The following XPNPEP3 variants were observed in gnomAD, a reference collection of about 807,000 sequenced individuals.
The protein encoded by XPNPEP3 is X-prolyl aminopeptidase 3.
A neutral mutation model predicts 60.0 loss-of-function variants in XPNPEP3; 41 were observed. The observed-to-expected ratio is 0.68, with a 90% CI of 0.53 to 0.89. The LOEUF (loss-of-function observed/expected upper bound fraction) is 0.89. XPNPEP3 is among the 40% of genes least tolerant of loss of function. The pLI is 0.00. For missense variants in XPNPEP3, 598 were observed against 638.9 expected (o/e 0.94, Z 0.69); for synonymous variants, 212 against 223.2 (o/e 0.95, Z 0.45).
intron 9 of XPNPEP3, 68 bp from the exon 10 acceptor site, chr22:40,926,201 A>G: frequency 6.4e-7 from 1 of 1,566,292 alleles, no homozygotes; most frequent in Non-Finnish European, 8.8e-7. Context: ...CCAGAGGTTA[A>G]CTTACTTGCC....
chr22:40,888,323 A>AGTCT (rs1486024953), intron 4 of XPNPEP3: 1 of 346,130 alleles, frequency 2.9e-6, no homozygotes. Context: ...AGCTCACTGC[A>AGTCT]GTCTCGACCT....
rs2146252163 is a variant in XPNPEP3 at position 40,884,195 on chromosome 22, C to T, written c.589+2018C>T. On this transcript the variant is annotated intron_variant, in intron 3 of 9. Coordinates refer to ENST00000357137, the MANE Select transcript of XPNPEP3 (RefSeq NM_022098.4). ...CTTCAAAATCCACATAAATGTGGGG[C>T]ATAGAATCATTTTCTTTCTAGCTTT... Among the ~76,000 whole-genome samples the T allele has an allele frequency of 1.3e-5, 2 of 152,236 alleles. 1 individual carries two copies. Among genetic ancestry groups the T allele is most frequent in the South Asian group, 4.1e-4 (2 of 4,828 alleles).
intron 3 of XPNPEP3, among the ~76,000 whole-genome samples, chr22:40,884,577 A>ACC (rs372919573): frequency 1.4e-5 from 2 of 147,216 alleles, no homozygotes; most frequent in African/African-American, 5.0e-5. Flanking sequence ...CAGGTGATCC[A>ACC]CCCCCCTCAG....
chr22:40,899,649 T>C (rs1601509985), intron 4 of XPNPEP3, among the ~76,000 whole-genome samples: 1 of 151,798 alleles, frequency 6.6e-6, no homozygotes, highest in South Asian at 2.1e-4. Flanking sequence ...TGATACCTCA[T>C]CTCTACTAAA....
At chr22:40,919,581 T>C (rs1399071868) in intron 7 of XPNPEP3, among the ~76,000 whole-genome samples, 1 of 152,172 alleles carries the variant, frequency 6.6e-6, no homozygotes, top group African/African-American at 2.4e-5. Flanking sequence ...CCCAGGCTGG[T>C]CTGCAACTCC....
At chr22:40,895,949 G>T (rs1328540044) in intron 4 of XPNPEP3, among the ~76,000 whole-genome samples, 2 of 152,154 alleles carry the variant, frequency 1.3e-5, no homozygotes, top group Non-Finnish European at 2.9e-5. Context: ...TCCCTGCCAG[G>T]AGTTGGGATT....
chr22:40,906,657 C>CCATCTA (rs2058156727), intron 4 of XPNPEP3, among the ~76,000 whole-genome samples: 1 of 152,144 alleles, frequency 6.6e-6, no homozygotes, highest in African/African-American at 2.4e-5. Flanking sequence ...GGCTGGGAAA[C>CCATCTA]GTTGCTATAG....
At chr22:40,892,281 T>C (rs1315938876) in intron 4 of XPNPEP3, among the ~76,000 whole-genome samples, 1 of 151,966 alleles carries the variant, frequency 6.6e-6, no homozygotes, top group Non-Finnish European at 1.5e-5. Flanking sequence ...GCCTCCCAGG[T>C]TCAAGGGATT....
intron 4 of XPNPEP3, among the ~76,000 whole-genome samples, chr22:40,901,395 C>T (rs1196698540): frequency 1.3e-5 from 2 of 151,906 alleles, no homozygotes; most frequent in Admixed American, 6.6e-5. Context: ...CCACCACGCC[C>T]GGCTAATTTT....
chr22:40,904,805 C>T (rs935147264), intron 4 of XPNPEP3, among the ~76,000 whole-genome samples: 9 of 152,076 alleles, frequency 5.9e-5, no homozygotes, highest in African/African-American at 1.9e-4. Flanking sequence ...TGCCGTGGTA[C>T]CCAGGCTGGA....
chr22:40,861,940 T>C (rs746311944), intron 1 of XPNPEP3: 3 of 1,612,252 alleles, frequency 1.9e-6, no homozygotes, highest in Non-Finnish European at 2.5e-6. Context: ...GCTTTTTTAA[T>C]GTCCTCAGGT....
chr22:40,868,428 C>CGT (rs35513572), intron 1 of XPNPEP3, among the ~76,000 whole-genome samples: 16,059 of 144,660 alleles, frequency 0.11, 1,281 homozygotes, highest in African/African-American at 0.23. Context: ...TATATGTGTG[C>CGT]GTGTGTGTGT....
At chr22:40,876,282 G>A (rs961335355) in intron 2 of XPNPEP3, among the ~76,000 whole-genome samples, 3 of 152,172 alleles carry the variant, frequency 2.0e-5, no homozygotes, top group Admixed American at 6.6e-5. Flanking sequence ...CATAATAGCG[G>A]TTGTCCATGT....
intron 1 of XPNPEP3, chr22:40,862,781 A>G: frequency 2.0e-6 from 2 of 983,570 alleles, no homozygotes; most frequent in Non-Finnish European, 2.4e-6. Context: ...TATTCACTGT[A>G]TAATTATTGA....
chr22:40,906,931 G>C (rs1038629686), intron 4 of XPNPEP3, among the ~76,000 whole-genome samples: 14 of 152,272 alleles, frequency 9.2e-5, no homozygotes, highest in African/African-American at 3.4e-4. Flanking sequence ...AGAAGAGACA[G>C]AAAATCAAGA....
chr22:40,902,705 A>T (rs557309462), intron 4 of XPNPEP3, among the ~76,000 whole-genome samples: 2 of 152,218 alleles, frequency 1.3e-5, no homozygotes, highest in Admixed American at 6.5e-5. Context: ...TCTAAGTGGC[A>T]GTTAAATAGA....
intron 4 of XPNPEP3, among the ~76,000 whole-genome samples, chr22:40,905,531 CAGTA>C (rs2058151447): frequency 6.6e-6 from 1 of 152,006 alleles, no homozygotes; most frequent in African/African-American, 2.4e-5. Context: ...GGAGGAGAGA[CAGTA>C]AGCAAACAAG....
chr22:40,901,697 A>G (rs527414031), intron 4 of XPNPEP3, among the ~76,000 whole-genome samples: 20 of 151,646 alleles, frequency 1.3e-4, no homozygotes, highest in South Asian at 2.1e-4. Context: ...CTGGTTTCGA[A>G]CTGCTGGACT....
intron 4 of XPNPEP3, among the ~76,000 whole-genome samples, chr22:40,894,327 A>G (rs553650703): frequency 2.3e-4 from 35 of 152,264 alleles, no homozygotes; most frequent in Admixed American, 3.9e-4. Flanking sequence ...TGTACCACTC[A>G]TTTATTGACT....
Sources: allele counts gnomAD v4.1 joint callset (sites outside exome capture counted in the v4.1 genomes callset), GRCh38; gene constraint gnomAD v4.1.1; transcripts MANE v1.5; gene names NCBI Gene and HGNC (gene_info 2026-07-23, HGNC 2026-07-21).